GPR39: variants seen among roughly 807,000 people sequenced by gnomAD.
The protein encoded by GPR39 is G protein-coupled receptor 39.
GPR39 carries 23 observed loss-of-function variants against 18.4 expected under a neutral mutation model. The ratio of observed to expected loss-of-function variants is 1.25; its 90% CI spans 0.90 to 1.77. GPR39 has a LOEUF of 1.77. Ranked by LOEUF, GPR39 falls within the 40% of genes most tolerant of loss-of-function variation. The pLI is 0.00. For synonymous variants in GPR39, 280 were observed against 257.9 expected, an observed-to-expected ratio of 1.09 and a Z score of -0.82; for missense variants, 647 against 602.4, an observed-to-expected ratio of 1.07 and a Z score of -0.78.
intron 1 of GPR39, among the ~76,000 whole-genome samples, chr2:132,502,545 G>A (rs956871768): frequency 2.0e-5 from 3 of 152,122 alleles, no homozygotes; most frequent in African/African-American, 7.2e-5. Context: ...GACTATGTAT[G>A]TAGGCGATGA....
chr2:132,501,054 G>GTTTTTTTTTTTTTTTTTTTGTT (rs1679022477), intron 1 of GPR39, among the ~76,000 whole-genome samples: 1 of 90,326 alleles, frequency 1.1e-5, no homozygotes, highest in Non-Finnish European at 2.2e-5. Flanking sequence ...TATCTTTTGT[G>GTTTTTTTTTTTTTTTTTTTGTT]TTTTTTTTTT....
At chr2:132,542,220 A>G (rs942295291) in intron 1 of GPR39, among the ~76,000 whole-genome samples, 2 of 152,216 alleles carry the variant, frequency 1.3e-5, no homozygotes, top group African/African-American at 4.8e-5. Context: ...GGCCTGGAAT[A>G]TAGAAAACAC....
intron 1 of GPR39, among the ~76,000 whole-genome samples, chr2:132,514,804 T>A (rs546877640): frequency 1.3e-5 from 2 of 152,336 alleles, no homozygotes; most frequent in Non-Finnish European, 2.9e-5. Flanking sequence ...TTCATGTCTC[T>A]TAAAAAAACT....
chr2:132,515,178 G>A lies in GPR39; in HGVS notation c.856+97280G>A, dbSNP rs544065702. ...CAGCAAGTCACCAGCAGTAGGTGGC[G>A]TTCTGCCAAGGTTTCCACCACATCT... On this transcript the variant is annotated intron_variant, in intron 1 of 1. Coordinates refer to ENST00000329321, the MANE Select transcript of GPR39 (RefSeq NM_001508.3). Among the ~76,000 whole-genome samples the A allele has an allele frequency of 2.4e-4, 37 of 152,300 alleles. 1 individual carries two copies. The highest frequency in any genetic ancestry group is 4.1e-4 in the South Asian group (2 of 4,824).
intron 1 of GPR39, among the ~76,000 whole-genome samples, chr2:132,595,070 C>T (rs530564936): frequency 6.6e-6 from 1 of 152,150 alleles, no homozygotes; most frequent in Non-Finnish European, 1.5e-5. Context: ...GCAATTTTGG[C>T]TTACTGCAGC....
At chr2:132,461,847 G>A (rs774485527) in intron 1 of GPR39, among the ~76,000 whole-genome samples, 1 of 152,168 alleles carries the variant, frequency 6.6e-6, no homozygotes, top group Non-Finnish European at 1.5e-5. Flanking sequence ...GCTGTGCCGA[G>A]GGATTTGGAA....
At chr2:132,493,388 A>G (rs1193920829) in intron 1 of GPR39, among the ~76,000 whole-genome samples, 4 of 147,474 alleles carry the variant, frequency 2.7e-5, no homozygotes, top group African/African-American at 9.9e-5. Flanking sequence ...CACACCGTAT[A>G]TATACACACC....
chr2:132,595,062 A>C (rs924762664), intron 1 of GPR39, among the ~76,000 whole-genome samples: 2 of 152,072 alleles, frequency 1.3e-5, no homozygotes, highest in African/African-American at 4.8e-5. Flanking sequence ...GCAATGGTGC[A>C]ATTTTGGCTT....
At position 132,417,350 on chromosome 2, in the gene GPR39, G is replaced by C; in HGVS notation, c.308G>C (p.Ser103Thr). ...ATCTGGAATCCCCTGACCACGTCCA[G>C]CTACACCCTGTCCTGCAAGCTGCAC... ...SIIWNPLTTS[S>T]YTLSCKLHTF... is the part of the protein sequence containing the mutation. Residue 103 changes from serine (S) to threonine (T), a missense_variant, in exon 1 of 2, where the codon AGC (serine) becomes ACC (threonine). Physicochemically the swap from Ser to Thr is moderately conservative, Grantham distance 58. This residue lies in a region of GPR39 where 581 missense variants were observed against 506.8 expected (regional missense o/e 1.15). Coordinates refer to ENST00000329321, the MANE Select transcript of GPR39 (RefSeq NM_001508.3). 6.2e-7 allele frequency: 1 copy of C among 1,614,144 alleles called. No individual in the cohort carries two copies. The highest frequency in any genetic ancestry group is 1.6e-4 in the Middle Eastern group (1 of 6,062).
At chr2:132,485,325 T>G (rs1233284092) in intron 1 of GPR39, among the ~76,000 whole-genome samples, 1 of 152,230 alleles carries the variant, frequency 6.6e-6, no homozygotes. Context: ...TGTTGTTGAC[T>G]GCTGACCAGT....
At chr2:132,629,096 A>C (rs1423642290) in intron 1 of GPR39, among the ~76,000 whole-genome samples, 1 of 152,206 alleles carries the variant, frequency 6.6e-6, no homozygotes, top group Admixed American at 6.5e-5. Context: ...TCTTGGGCAG[A>C]GACATGGAGC....
intron 1 of GPR39, among the ~76,000 whole-genome samples, chr2:132,584,620 A>AG (rs767191251): frequency 3.4e-4 from 51 of 149,330 alleles, no homozygotes; most frequent in South Asian, 2.1e-3. Flanking sequence ...CAGTTCTTTC[A>AG]GGGGAAAAAA....
chr2:132,427,917 A>ATATTT (rs372985046), intron 1 of GPR39, among the ~76,000 whole-genome samples: 16 of 146,442 alleles, frequency 1.1e-4, no homozygotes, highest in African/African-American at 3.0e-4. Context: ...AATTATATTT[A>ATATTT]AATATATATA....
chr2:132,635,275 C>G (rs1027136262), intron 1 of GPR39, among the ~76,000 whole-genome samples: 23 of 152,226 alleles, frequency 1.5e-4, no homozygotes, highest in African/African-American at 5.5e-4. Context: ...TGAGCAGCTA[C>G]TATATAAACG....
At chr2:132,607,770 ACT>A (rs1558857039) in intron 1 of GPR39, among the ~76,000 whole-genome samples, 1 of 151,830 alleles carries the variant, frequency 6.6e-6, no homozygotes, top group African/African-American at 2.4e-5. Context: ...AGCTGCAAAA[ACT>A]CTTTCAATAT....
Position 132,417,369 on chromosome 2 carries a change from G to C in GPR39, c.327G>C (p.Lys109Asn). ...LTTSSYTLSCKLHTFLFEACS... is the reference protein window; with the variant it reads ...LTTSSYTLSCNLHTFLFEACS... ...CGTCCAGCTACACCCTGTCCTGCAA[G>C]CTGCACACTTTCCTCTTCGAGGCCT... The change falls in exon 1 of 2, where the codon AAG (lysine) becomes AAC (asparagine). Residue 109 changes from lysine to asparagine, a missense_variant. Around this residue, in one of 3 missense-constraint regions of GPR39, gnomAD observed 581 missense variants for 506.8 expected, o/e 1.15. Coordinates refer to ENST00000329321, the MANE Select transcript of GPR39 (RefSeq NM_001508.3). 1.9e-6 allele frequency: 3 copies of C among 1,614,192 alleles called. No individual in the cohort carries two copies. The highest frequency in any genetic ancestry group is 2.5e-6 in the Non-Finnish European group (3 of 1,180,022).
intron 1 of GPR39, among the ~76,000 whole-genome samples, chr2:132,616,401 C>T (rs1371732789): frequency 4.6e-5 from 7 of 152,102 alleles, no homozygotes; most frequent in Non-Finnish European, 1.5e-5. Context: ...CAAGGTAATG[C>T]TATTGAATTT....
chr2:132,538,246 T>C lies in GPR39; in HGVS notation c.857-106855T>C, dbSNP rs143339759. Reference sequence around the variant, plus strand: ...TGAGGTTTTTGTATTTTTGTTGTTGTTGTTGTTGTTGATGTTGTTATTGTT... The same window carrying C: ...TGAGGTTTTTGTATTTTTGTTGTTGCTGTTGTTGTTGATGTTGTTATTGTT... On this transcript the variant is annotated intron_variant, in intron 1 of 1. Transcript: ENST00000329321. Among the ~76,000 whole-genome samples the C allele has an allele frequency of 3.1e-3, 476 of 152,318 alleles. 1 individual carries two copies. Among genetic ancestry groups the C allele is most frequent in the Non-Finnish European group, 5.1e-3 (348 of 68,028 alleles).
intron 1 of GPR39, among the ~76,000 whole-genome samples, chr2:132,506,884 A>G (rs1679144600): frequency 6.6e-6 from 1 of 150,990 alleles, no homozygotes; most frequent in Admixed American, 6.6e-5. Flanking sequence ...TTTTTTTTCT[A>G]GCAGGAGAAA....
Sources: gnomAD v4.1 joint callset for allele counts (sites outside exome capture counted in the v4.1 genomes callset) on GRCh38, gnomAD v4.1.1 for gene constraint, gnomAD v4.1.1 regional missense constraint, MANE v1.5 for transcripts, NCBI Gene and HGNC (gene_info 2026-07-23, HGNC 2026-07-21) for gene names.